Variants in RBM33 observed in about 807,000 individuals in gnomAD.
RBM33 encodes the protein RNA binding motif protein 33, also known as RNA-binding protein 33.
RBM33 carries 28 observed loss-of-function variants against 132.6 expected under a neutral mutation model. That is an observed-to-expected ratio of 0.21 (90% CI 0.16 to 0.29). The LOEUF (loss-of-function observed/expected upper bound fraction) is 0.29. RBM33 is among the 10% of genes least tolerant of loss of function. RBM33 has a pLI of 1.00. For synonymous variants in RBM33, 634 were observed against 593.0 expected, an observed-to-expected ratio of 1.07 and a Z score of -1.01; for missense variants, 1,291 against 1,518.5, an observed-to-expected ratio of 0.85 and a Z score of 2.49.
rs1446704030 is a variant in RBM33, at chr7:155,766,631, G to A, written c.3351G>A (p.Leu1117=). ...CCACGGATGCCCAGCTGAAGAGCCTGCTGATGTCAGTGGGACCCATTCAGG... is the reference window on the plus strand; with the variant it reads ...CCACGGATGCCCAGCTGAAGAGCCTACTGATGTCAGTGGGACCCATTCAGG... ...SSTTDAQLKS[L]LMSVGPIQSL... Residue 1117 remains leucine (L), a synonymous_variant, in exon 16 of 18, where the codon CTG becomes CTA. Coordinates refer to ENST00000401878, the MANE Select transcript of RBM33 (RefSeq NM_053043.3). 13 of 1,611,856 alleles carry A rather than the reference G, an allele frequency of 8.1e-6. No homozygotes were observed. Among genetic ancestry groups the A allele is most frequent in the African/African-American group, 4.0e-5 (3 of 75,032 alleles).
At chr7:155,688,183 A>G (rs113991470) in intron 5 of RBM33, among the ~76,000 whole-genome samples, 125,605 of 151,682 alleles carry the variant, frequency 0.83, 52,565 homozygotes, top group African/African-American at 0.94. Context: ...CCTTGAAGAG[A>G]TCCTTCACAT....
Position 155,776,498 on chromosome 7 carries a change from CAAATT to C in RBM33, c.*1460_*1464del, listed in dbSNP as rs996756123. 2.6e-4 allele frequency: 39 copies of C among 152,372 alleles called. No homozygotes were observed. Among genetic ancestry groups the C allele is most frequent in the African/African-American group, 8.4e-4 (35 of 41,592 alleles). The allele number at this position is 152,372 out of a possible 1,614,324, so 9.4% of individuals were successfully genotyped here. ...CAGTTGACGTTTTATATTACTTTCT[CAAATT>C]AAGTTACCAAAACAAACTGAAGAGC... On this transcript the variant is annotated 3_prime_UTR_variant, in exon 18 of 18. Coordinates refer to ENST00000401878, the MANE Select transcript of RBM33 (RefSeq NM_053043.3). This position sits in a 1 kb window ranked among gnomAD's most constrained non-coding sequence, Gnocchi z 4.0.
rs759524130 is a variant in RBM33 at position 155,739,882 on chromosome 7, C to G, written c.1905C>G (p.His635Gln). ...CACAGCACCCGCCGCAGCACCAGCA[C>G]CACCACCACCACCACCACCTGTCCG... Reference protein sequence around the residue: ...HPPQHPPQHQHHHHHHHLSVP... With the variant: ...HPPQHPPQHQQHHHHHHLSVP... Residue 635 changes from histidine (H) to glutamine (Q), a missense_variant, in exon 12 of 18, where the codon CAC (histidine) becomes CAG (glutamine). Physicochemically the swap from His to Gln is conservative, Grantham distance 24. This residue lies in a region of RBM33 where 841 missense variants were observed against 912.0 expected (regional missense o/e 0.92). Coordinates refer to ENST00000401878, the MANE Select transcript of RBM33 (RefSeq NM_053043.3). 6.9e-7 allele frequency: 1 copy of G among 1,456,944 alleles called. No individual in the cohort carries two copies. The highest frequency in any genetic ancestry group is 9.3e-7 in the Non-Finnish European group (1 of 1,076,380). The allele number at this position is 1,456,944 out of a possible 1,614,324, so 90.3% of individuals were successfully genotyped here. A position where few individuals can be genotyped will look rare whatever the true frequency, so the allele number is the denominator to read the frequency against.
intron 16 of RBM33, among the ~76,000 whole-genome samples, chr7:155,773,598 A>G (rs1802508545): frequency 2.2e-5 from 3 of 134,386 alleles, no homozygotes; most frequent in South Asian, 2.6e-4. Context: ...AAAAAAAAGG[A>G]GTCAGGGGCT....
At chr7:155,685,916 A>G (rs1246159919) in intron 5 of RBM33, among the ~76,000 whole-genome samples, 2 of 152,230 alleles carry the variant, frequency 1.3e-5, no homozygotes, top group Non-Finnish European at 2.9e-5. Context: ...TCCAGAAAAC[A>G]TTTACTTTAC....
Position 155,692,400 on chromosome 7 carries a change from A to G in RBM33, c.568-8373A>G, listed in dbSNP as rs530763983. Among the ~76,000 whole-genome samples, 8 of 152,258 alleles carry G rather than the reference A, an allele frequency of 5.3e-5. No individual in the cohort carries two copies. The South Asian group carries it at 1.7e-3, about 32-fold the overall frequency. Reference sequence around the variant, plus strand: ...CACTGCCTGTCCTTTGTTCCGGAATATCTTTTAGAGGATTCTGGTGTAGCA... The same window carrying G: ...CACTGCCTGTCCTTTGTTCCGGAATGTCTTTTAGAGGATTCTGGTGTAGCA... On this transcript the variant is annotated intron_variant, in intron 5 of 17. Coordinates refer to ENST00000401878, the MANE Select transcript of RBM33 (RefSeq NM_053043.3).
chr7:155,757,369 A>G (rs1337378927), intron 14 of RBM33, among the ~76,000 whole-genome samples: 1 of 152,194 alleles, frequency 6.6e-6, no homozygotes, highest in African/African-American at 2.4e-5. Context: ...TTAGAAAAAA[A>G]AATTCATTTT....
At chr7:155,760,582 G>A (rs1039776462) in intron 14 of RBM33, among the ~76,000 whole-genome samples, 6 of 152,216 alleles carry the variant, frequency 3.9e-5, no homozygotes, top group African/African-American at 1.4e-4. Flanking sequence ...CTCATACTAA[G>A]ATTGTACTGT....
At chr7:155,703,525 T>C (rs1190709123) in intron 6 of RBM33, among the ~76,000 whole-genome samples, 1 of 152,236 alleles carries the variant, frequency 6.6e-6, no homozygotes, top group Non-Finnish European at 1.5e-5. Context: ...AAAGTACCTT[T>C]TTCTGTTCCG....
At chr7:155,762,935 TC>T (rs1802085107) in intron 14 of RBM33, among the ~76,000 whole-genome samples, 1 of 152,226 alleles carries the variant, frequency 6.6e-6, no homozygotes, top group Non-Finnish European at 1.5e-5. Context: ...TGCTGTTCTT[TC>T]CCAGCCTTCA....
Position 155,738,163 on chromosome 7 carries a change from T to A in RBM33, c.1497T>A (p.Pro499=). 6.2e-7 allele frequency: 1 copy of A among 1,614,016 alleles called. No homozygotes were observed. ...TTCTTAACAGTAGCCATCCTGTTCC[T>A]ACTCAGAGTCCTCTACCATTCACTC... ...PTLLNSSHPV[P]TQSPLPFTQP... The change falls in exon 11 of 18, where the codon CCT becomes CCA. Residue 499 remains proline (P), a synonymous_variant. Transcript: ENST00000401878.
rs116591376 is a variant in RBM33 at position 155,718,519 on chromosome 7, A to G, written c.1260+76A>G. ...TAAGAAATATTAATATAGCAAGTGC[A>G]AGAGGTTCCAGCCAAATATAATTTT... On this transcript the variant is annotated intron_variant, in intron 9 of 17. Transcript: ENST00000401878. The G allele has an allele frequency of 3.4e-3, 3,981 of 1,185,566 alleles. 91 individuals are homozygous for G. In the African/African-American group the frequency reaches 0.052, roughly 15 times the overall value. 73.4% of individuals were successfully genotyped at this position (1,185,566 alleles called of 1,614,324 possible).
intron 14 of RBM33, chr7:155,746,574 A>G (rs1289617241): frequency 6.6e-6 from 1 of 152,212 alleles, no homozygotes; most frequent in Non-Finnish European, 1.5e-5. Flanking sequence ...CAGTCACTGC[A>G]GATAGATTTC....
intron 5 of RBM33, among the ~76,000 whole-genome samples, chr7:155,681,924 G>GTTT (rs1255316906): frequency 6.8e-6 from 1 of 146,640 alleles, no homozygotes; most frequent in Non-Finnish European, 1.5e-5. Context: ...TGTCTCAGTA[G>GTTT]TTTTTTTTTT....
intron 1 of RBM33, among the ~76,000 whole-genome samples, chr7:155,651,129 C>T (rs1285492792): frequency 9.9e-5 from 15 of 152,136 alleles, no homozygotes; most frequent in African/African-American, 3.6e-4. Flanking sequence ...CTGCCCGCCT[C>T]GGCCTCCCAA....
chr7:155,651,956 G>C (rs973053483), intron 1 of RBM33, among the ~76,000 whole-genome samples: 1 of 152,142 alleles, frequency 6.6e-6, no homozygotes, highest in Non-Finnish European at 1.5e-5. Flanking sequence ...TATTTCTAAA[G>C]CAACATGGTG....
intron 14 of RBM33, among the ~76,000 whole-genome samples, chr7:155,759,937 T>C (rs893259121): frequency 6.6e-6 from 1 of 152,228 alleles, no homozygotes; most frequent in African/African-American, 2.4e-5. Context: ...GTCGCCTCTC[T>C]TTCTGCCACG....
At chr7:155,679,401 AC>A (rs955070684) in intron 4 of RBM33, among the ~76,000 whole-genome samples, 3 of 151,960 alleles carry the variant, frequency 2.0e-5, no homozygotes, top group Non-Finnish European at 4.4e-5. Context: ...TTACTGAATT[AC>A]CATTTTGGGC....
At chr7:155,710,604 C>T (rs1028227937) in intron 7 of RBM33, among the ~76,000 whole-genome samples, 11 of 152,168 alleles carry the variant, frequency 7.2e-5, no homozygotes, top group African/African-American at 2.7e-4. Flanking sequence ...GTCTGTGCTG[C>T]TTCTGCTTTT....
Sources: gnomAD v4.1 joint callset for allele counts (sites outside exome capture counted in the v4.1 genomes callset) on GRCh38, gnomAD v4.1.1 for gene constraint, gnomAD v4.1.1 regional missense constraint, Gnocchi (gnomAD v3.1) non-coding constraint, MANE v1.5 for transcripts, NCBI Gene and HGNC (gene_info 2026-07-23, HGNC 2026-07-21) for gene names.